ADAMTS18: variants seen among roughly 807,000 people sequenced by gnomAD.
ADAMTS18 encodes A disintegrin and metalloproteinase with thrombospondin motifs 18.
ADAMTS18 carries 157 observed loss-of-function variants against 165.9 expected under a neutral mutation model. The observed-to-expected ratio is 0.95, with a 90% CI of 0.83 to 1.08. The LOEUF (loss-of-function observed/expected upper bound fraction) is 1.08, where lower values mean the gene tolerates loss of function less well. Ranked by LOEUF, ADAMTS18 falls within the 50% of genes least tolerant of loss-of-function variation. ADAMTS18 has a pLI of 0.00. For synonymous variants in ADAMTS18, 782 were observed against 578.2 expected, an observed-to-expected ratio of 1.35 and a Z score of -5.06; for missense variants, 2,040 against 1,534.0, an observed-to-expected ratio of 1.33 and a Z score of -5.51.
intron 2 of ADAMTS18, among the ~76,000 whole-genome samples, chr16:77,433,635 C>G (rs1465468629): frequency 6.6e-6 from 1 of 152,156 alleles, no homozygotes; most frequent in Non-Finnish European, 1.5e-5. Flanking sequence ...CTCCCCATTC[C>G]CCTGACAAGA....
At chr16:77,348,899 C>G (rs1179392969) in intron 10 of ADAMTS18, among the ~76,000 whole-genome samples, 1 of 152,144 alleles carries the variant, frequency 6.6e-6, no homozygotes, top group Non-Finnish European at 1.5e-5. Context: ...TTAAGTGTCA[C>G]TGGGTGGCCA....
intron 3 of ADAMTS18, among the ~76,000 whole-genome samples, chr16:77,388,077 G>T (rs934878317): frequency 6.6e-6 from 1 of 152,168 alleles, no homozygotes; most frequent in Admixed American, 6.5e-5. Context: ...TACGCACTCT[G>T]CAAGGCTAGA....
chr16:77,288,253 T>C (rs991537806), intron 22 of ADAMTS18, among the ~76,000 whole-genome samples: 1 of 152,164 alleles, frequency 6.6e-6, no homozygotes, highest in Admixed American at 6.6e-5. Context: ...GGTGGCCTTC[T>C]AGGCTGAATC....
intron 21 of ADAMTS18, among the ~76,000 whole-genome samples, chr16:77,289,814 G>C (rs932108979): frequency 1.3e-5 from 2 of 152,116 alleles, no homozygotes; most frequent in African/African-American, 4.8e-5. Flanking sequence ...TTCAAAACTG[G>C]GACAGAAAAA....
intron 3 of ADAMTS18, among the ~76,000 whole-genome samples, chr16:77,395,800 C>T (rs575878403): frequency 6.6e-6 from 1 of 151,934 alleles, no homozygotes; most frequent in Non-Finnish European, 1.5e-5. Context: ...ATAAGACCCT[C>T]GAGAAATTTG....
At chr16:77,381,318 G>A (rs985782344) in intron 3 of ADAMTS18, among the ~76,000 whole-genome samples, 5 of 152,124 alleles carry the variant, frequency 3.3e-5, no homozygotes, top group African/African-American at 9.7e-5. Flanking sequence ...GGGGACAGCT[G>A]AAATGCTGGA....
chr16:77,334,821 TACTATATACTATAGTATAC>T (rs2056278000), intron 12 of ADAMTS18, among the ~76,000 whole-genome samples: 2 of 124,756 alleles, frequency 1.6e-5, no homozygotes, highest in Admixed American at 1.8e-4. Context: ...ACAGTATATA[TACTATATACTATAGTATAC>T]AGTATATATA....
intron 22 of ADAMTS18, among the ~76,000 whole-genome samples, chr16:77,286,267 A>G (rs2055248973): frequency 6.6e-6 from 1 of 152,102 alleles, no homozygotes; most frequent in Non-Finnish European, 1.5e-5. Context: ...GTCGTGCCTG[A>G]TCATTATAAT....
Position 77,434,926 on chromosome 16 carries a change from C to G in ADAMTS18, c.-231G>C. ...CTGCCGAGCTGCAGTTTGCGGCACC[C>G]CAGAGGGTACGGGGGGCTCCCTGGG... On this transcript the variant is annotated 5_prime_UTR_variant, in exon 1 of 23. Coordinates refer to ENST00000282849, the MANE Select transcript of ADAMTS18 (RefSeq NM_199355.4). The G allele has an allele frequency of 2.6e-6, 1 of 384,704 alleles. No homozygotes were observed. Among genetic ancestry groups the G allele is most frequent in the Non-Finnish European group, 4.6e-6 (1 of 219,026 alleles). The allele number at this position is 384,704 out of a possible 1,614,324, so 23.8% of individuals were successfully genotyped here.
chr16:77,350,132 T>C (rs2056534651), intron 10 of ADAMTS18, among the ~76,000 whole-genome samples: 1 of 152,188 alleles, frequency 6.6e-6, no homozygotes, highest in South Asian at 2.1e-4. Flanking sequence ...TGCAGAATAA[T>C]CAAATGGGCG....
chr16:77,348,085 C>A (rs1352190091), intron 10 of ADAMTS18, among the ~76,000 whole-genome samples: 1 of 152,088 alleles, frequency 6.6e-6, no homozygotes, highest in Non-Finnish European at 1.5e-5. Flanking sequence ...ATAGATATCA[C>A]TACAATTTTG....
At chr16:77,383,910 G>A (rs534534528) in intron 3 of ADAMTS18, among the ~76,000 whole-genome samples, 4 of 152,124 alleles carry the variant, frequency 2.6e-5, no homozygotes, top group Non-Finnish European at 5.9e-5. Context: ...CCTGTTCAAA[G>A]CATCCTTTCA....
chr16:77,286,102 T>C (rs975008931), intron 22 of ADAMTS18, among the ~76,000 whole-genome samples: 1 of 152,146 alleles, frequency 6.6e-6, no homozygotes, highest in African/African-American at 2.4e-5. Flanking sequence ...CTCTTCACCT[T>C]GTTTCTTGTA....
At chr16:77,402,091 T>A (rs927784868) in intron 3 of ADAMTS18, among the ~76,000 whole-genome samples, 10 of 152,200 alleles carry the variant, frequency 6.6e-5, no homozygotes, top group Non-Finnish European at 1.0e-4. Flanking sequence ...CTATAATAAG[T>A]TCCCTAGCTA....
intron 3 of ADAMTS18, among the ~76,000 whole-genome samples, chr16:77,394,745 A>T (rs888431783): frequency 6.6e-6 from 1 of 152,228 alleles, no homozygotes; most frequent in Non-Finnish European, 1.5e-5. Flanking sequence ...ATATTTTTGG[A>T]ATTCTACAAC....
chr16:77,393,610 C>A (rs578205125), intron 3 of ADAMTS18, among the ~76,000 whole-genome samples: 1 of 152,184 alleles, frequency 6.6e-6, no homozygotes, highest in African/African-American at 2.4e-5. Flanking sequence ...TCTTCCACCA[C>A]GTGAAGACAC....
intron 3 of ADAMTS18, among the ~76,000 whole-genome samples, chr16:77,370,113 C>T (rs2056855488): frequency 6.6e-6 from 1 of 152,110 alleles, no homozygotes; most frequent in South Asian, 2.1e-4. Flanking sequence ...GACAAACTCC[C>T]AGCTAACATC....
chr16:77,365,740 G>A (rs567217955), intron 4 of ADAMTS18, among the ~76,000 whole-genome samples: 5 of 152,308 alleles, frequency 3.3e-5, no homozygotes, highest in South Asian at 2.1e-4. Flanking sequence ...AACTAGTACA[G>A]AAATAGTTTA....
chr16:77,365,076 A>C (rs1017576295), intron 4 of ADAMTS18, among the ~76,000 whole-genome samples: 1 of 152,188 alleles, frequency 6.6e-6, no homozygotes, highest in African/African-American at 2.4e-5. Context: ...ACTGCAGTCC[A>C]TAAGGAAGTC....
Sources: gnomAD v4.1 joint callset for allele counts (sites outside exome capture counted in the v4.1 genomes callset) on GRCh38, gnomAD v4.1.1 for gene constraint, MANE v1.5 for transcripts, NCBI Gene and HGNC (gene_info 2026-07-23, HGNC 2026-07-21) for gene names.